The following CHL1 variants were observed in gnomAD, a reference collection of about 807,000 sequenced individuals.
The protein encoded by CHL1 is neural cell adhesion molecule L1-like protein.
CHL1 carries 96 observed loss-of-function variants against 141.9 expected under a neutral mutation model. The observed-to-expected ratio is 0.68, with a 90% CI of 0.57 to 0.80. The LOEUF (loss-of-function observed/expected upper bound fraction) is 0.80, where lower values mean the gene tolerates loss of function less well. CHL1 is among the 30% of genes least tolerant of loss of function. The pLI, the probability that CHL1 is intolerant of heterozygous loss-of-function variation, is 0.00. For missense variants in CHL1, 1,820 were observed against 1,457.2 expected (o/e 1.25, Z -4.05); for synonymous variants, 613 against 502.2 (o/e 1.22, Z -2.95).
chr3:218,131 G>A (rs985038773), intron 1 of CHL1, among the ~76,000 whole-genome samples: 4 of 152,176 alleles, frequency 2.6e-5, no homozygotes, highest in South Asian at 2.1e-4. Flanking sequence ...TTTACGATAC[G>A]TGTTTTCAGG....
intron 2 of CHL1, among the ~76,000 whole-genome samples, chr3:258,578 C>T (rs566982249): frequency 1.5e-4 from 23 of 152,316 alleles, no homozygotes; most frequent in African/African-American, 5.1e-4. Context: ...TTACTTGAGC[C>T]ATTTTTTTCT....
intron 2 of CHL1, among the ~76,000 whole-genome samples, chr3:308,005 A>G (rs1699395982): frequency 6.6e-6 from 1 of 152,336 alleles, no homozygotes; most frequent in Non-Finnish European, 1.5e-5. Context: ...ACACTGTAAA[A>G]TGAATGAGGT....
intron 10 of CHL1, 52 bp from the exon 11 acceptor site, chr3:354,588 G>T: frequency 1.3e-6 from 2 of 1,560,242 alleles, no homozygotes; most frequent in South Asian, 2.4e-5. Flanking sequence ...TAACATTTTT[G>T]GACTTTTTGA....
chr3:321,903 A>T (rs558659286), intron 3 of CHL1, among the ~76,000 whole-genome samples: 8 of 152,188 alleles, frequency 5.3e-5, no homozygotes, highest in African/African-American at 1.9e-4. Flanking sequence ...TATAATGTAG[A>T]ATATATATTC....
At chr3:249,252 A>G (rs1342271852) in intron 2 of CHL1, among the ~76,000 whole-genome samples, 1 of 152,194 alleles carries the variant, frequency 6.6e-6, no homozygotes, top group Non-Finnish European at 1.5e-5. Context: ...CAGGGCATTA[A>G]AAACTAAATC....
chr3:314,845 A>G (rs922676868), intron 2 of CHL1, among the ~76,000 whole-genome samples: 2 of 152,166 alleles, frequency 1.3e-5, no homozygotes, highest in Non-Finnish European at 2.9e-5. Flanking sequence ...GTGAGGAAAT[A>G]GCTTCTTAGG....
At position 360,436 on chromosome 3, in the gene CHL1, T is replaced by C; in HGVS notation, c.1306+12T>C. 1 of 1,612,748 alleles carries C rather than the reference T, an allele frequency of 6.2e-7. No individual in the cohort carries two copies. The highest frequency in any genetic ancestry group is 1.1e-5 in the South Asian group (1 of 90,752). ...TATTGATGTTGTGGGTGAGTGTGCC[T>C]GGGAGCTGACTTAACATGCTATTTT... is the stretch of plus-strand genomic sequence containing the variant. On this transcript the variant is annotated intron_variant, in intron 12 of 27. Coordinates refer to ENST00000256509, the MANE Select transcript of CHL1 (RefSeq NM_006614.4).
chr3:340,292 C>T lies in CHL1; in HGVS notation c.386-502C>T, dbSNP rs183042814. 1.3e-3 allele frequency among the ~76,000 whole-genome samples: 199 copies of T among 152,270 alleles called. 1 individual carries two copies. Among genetic ancestry groups the T allele is most frequent in the African/African-American group, 4.4e-3 (183 of 41,564 alleles). ...AGTGGTCAAATTTGGCTTTCCATTG[C>T]ATTCTTACCATTTTCTCCATATGGG... On this transcript the variant is annotated intron_variant, in intron 5 of 27. Transcript: ENST00000256509.
At chr3:365,889 C>A in intron 14 of CHL1, 61 bp from the exon 15 acceptor site, 3 of 1,374,360 alleles carry the variant, frequency 2.2e-6, no homozygotes, top group Non-Finnish European at 3.0e-6. Context: ...AACTTGCAGG[C>A]ACTTAATAAC....
At chr3:213,580 A>G (rs1700064989) in intron 1 of CHL1, 1 of 152,186 alleles carries the variant, frequency 6.6e-6, no homozygotes, top group Non-Finnish European at 1.5e-5. Context: ...GTGAGCCTCC[A>G]ATCTAATTAA....
At chr3:293,937 T>A (rs948068683) in intron 2 of CHL1, among the ~76,000 whole-genome samples, 3 of 151,790 alleles carry the variant, frequency 2.0e-5, no homozygotes, top group South Asian at 2.1e-4. Flanking sequence ...AATTTTTGAA[T>A]TTTTTTGTAG....
chr3:204,099 T>C (rs965519993), intron 1 of CHL1, among the ~76,000 whole-genome samples: 3 of 152,246 alleles, frequency 2.0e-5, no homozygotes, highest in African/African-American at 7.2e-5. Flanking sequence ...TGTGTTTCAG[T>C]TGGGACTCTT....
rs1325966962 is a variant in CHL1 at position 297,054 on chromosome 3, TG to T, written c.-94-22625del. 2.0e-5 allele frequency among the ~76,000 whole-genome samples: 3 copies of T among 151,592 alleles called. No homozygotes were observed. In the East Asian group the frequency reaches 5.8e-4, roughly 30 times the overall value. On this transcript the variant is annotated intron_variant, in intron 2 of 27. Coordinates refer to ENST00000256509, the MANE Select transcript of CHL1 (RefSeq NM_006614.4). The stretch of plus-strand genomic sequence containing the variant: ...TTAGAACAGAGAATTAGTTAGAGGA[TG>T]GGGAGATAATACAAGGGAGAGATAG...
At chr3:347,733 T>G (rs1702884536) in intron 9 of CHL1, among the ~76,000 whole-genome samples, 1 of 152,178 alleles carries the variant, frequency 6.6e-6, no homozygotes, top group Non-Finnish European at 1.5e-5. Context: ...GTTAGGAGAC[T>G]TGAGCTATGC....
In CHL1 at chr3:349,672, C is replaced by A. The variant is rs147218039; in HGVS notation, c.1033+129C>A. 7.9e-5 allele frequency: 60 copies of A among 758,064 alleles called. No homozygotes were observed. The African/African-American group carries it at 8.9e-4, about 11-fold the overall frequency. 47.0% of individuals were successfully genotyped at this position (758,064 alleles called of 1,614,324 possible). A position where few individuals can be genotyped will look rare whatever the true frequency, so the allele number is the denominator to read the frequency against. On this transcript the variant is annotated intron_variant, in intron 10 of 27. Coordinates refer to ENST00000256509, the MANE Select transcript of CHL1 (RefSeq NM_006614.4). The stretch of plus-strand genomic sequence containing the variant: ...TTTCAACTTTTAATTGTAGTGCGGG[C>A]ATTGAATTATATTACACTTCAACTA...
intron 23 of CHL1, among the ~76,000 whole-genome samples, chr3:393,188 G>C (rs1046329129): frequency 1.4e-5 from 2 of 143,206 alleles, no homozygotes; most frequent in Non-Finnish European, 3.0e-5. Flanking sequence ...AGCTGAGATG[G>C]AGCCACTGCA....
intron 2 of CHL1, among the ~76,000 whole-genome samples, chr3:287,513 G>A (rs565619912): frequency 6.6e-6 from 1 of 152,184 alleles, no homozygotes; most frequent in Non-Finnish European, 1.5e-5. Flanking sequence ...AAAGATGATT[G>A]AGATACCTCC....
chr3:333,258 T>C (rs1220084133), intron 5 of CHL1, among the ~76,000 whole-genome samples: 6 of 151,622 alleles, frequency 4.0e-5, no homozygotes, highest in African/African-American at 1.2e-4. Flanking sequence ...ATATATTGAA[T>C]AGTAACCCAA....
intron 1 of CHL1, among the ~76,000 whole-genome samples, chr3:231,799 A>T (rs1201698276): frequency 1.3e-5 from 2 of 151,538 alleles, no homozygotes; most frequent in Admixed American, 6.6e-5. Context: ...CTGGTCTCAA[A>T]CTCCTGACCT....
Sources: allele counts gnomAD v4.1 joint callset (sites outside exome capture counted in the v4.1 genomes callset), GRCh38; gene constraint gnomAD v4.1.1; transcripts MANE v1.5; gene names NCBI Gene and HGNC (gene_info 2026-07-23, HGNC 2026-07-21).